The following ZNF385D variants were observed in gnomAD, a reference collection of about 807,000 sequenced individuals.
ZNF385D encodes the protein zinc finger protein 659.
In ZNF385D, 15 loss-of-function variants were observed where a neutral mutation model predicts 35.8. The observed-to-expected ratio is 0.42, with a 90% CI of 0.28 to 0.64. The LOEUF (loss-of-function observed/expected upper bound fraction) is 0.64. ZNF385D is among the 30% of genes least tolerant of loss of function. The probability of loss-of-function intolerance (pLI) is 0.23; values close to 1 mark genes in which losing one functional copy is unlikely to be tolerated. For synonymous variants in ZNF385D, 212 were observed against 186.8 expected, an observed-to-expected ratio of 1.13 and a Z score of -1.10; for missense variants, 474 against 494.6, an observed-to-expected ratio of 0.96 and a Z score of 0.39.
At chr3:22,296,787 T>C (rs1457482058) in intron 2 of ZNF385D, among the ~76,000 whole-genome samples, 1 of 152,082 alleles carries the variant, frequency 6.6e-6, no homozygotes, top group Non-Finnish European at 1.5e-5. Context: ...ATAGTGTCTG[T>C]CTTGAGCATG....
At chr3:21,968,168 G>C (rs539206495) in intron 3 of ZNF385D, among the ~76,000 whole-genome samples, 80 of 152,242 alleles carry the variant, frequency 5.3e-4, no homozygotes, top group African/African-American at 1.7e-3. Context: ...ACAGCGGAAA[G>C]CAACATCGGG....
At chr3:22,367,480 C>T (rs1322324913) in intron 2 of ZNF385D, among the ~76,000 whole-genome samples, 5 of 152,260 alleles carry the variant, frequency 3.3e-5, no homozygotes, top group South Asian at 4.1e-4. Context: ...CCTGATAACT[C>T]GGTCCAGTAC....
intron 4 of ZNF385D, among the ~76,000 whole-genome samples, chr3:21,455,304 C>CT (rs1702727795): frequency 6.6e-6 from 1 of 152,138 alleles, no homozygotes; most frequent in Non-Finnish European, 1.5e-5. Context: ...AAGAACAAAG[C>CT]TGGAGGCATC....
chr3:21,909,574 C>T (rs564947277), intron 3 of ZNF385D, among the ~76,000 whole-genome samples: 2 of 150,920 alleles, frequency 1.3e-5, no homozygotes, highest in African/African-American at 4.8e-5. Flanking sequence ...CATAAAAATT[C>T]TGCTTCATTC....
chr3:22,069,349 C>T (rs565086445), intron 3 of ZNF385D, among the ~76,000 whole-genome samples: 9 of 152,194 alleles, frequency 5.9e-5, no homozygotes, highest in African/African-American at 1.4e-4. Context: ...TAGAATAAAA[C>T]GAATATGAGA....
At chr3:21,979,100 T>C (rs952693660) in intron 3 of ZNF385D, among the ~76,000 whole-genome samples, 1 of 152,144 alleles carries the variant, frequency 6.6e-6, no homozygotes, top group Admixed American at 6.6e-5. Context: ...CATGCCAATT[T>C]TTTTTCAATG....
At chr3:22,092,836 G>C (rs151003409) in intron 3 of ZNF385D, among the ~76,000 whole-genome samples, 1 of 152,170 alleles carries the variant, frequency 6.6e-6, no homozygotes, top group East Asian at 1.9e-4. Flanking sequence ...AAAAAAGAAA[G>C]TACTAACATT....
chr3:22,273,587 G>A (rs78960480), intron 2 of ZNF385D, among the ~76,000 whole-genome samples: 7,604 of 151,684 alleles, frequency 0.05, 258 homozygotes, highest in African/African-American at 0.094. Flanking sequence ...CTGTCCTAGA[G>A]GAATGATAAA....
chr3:22,201,015 G>A (rs1198807117), intron 2 of ZNF385D, among the ~76,000 whole-genome samples: 1 of 152,002 alleles, frequency 6.6e-6, no homozygotes, highest in East Asian at 1.9e-4. Context: ...AATTATTACA[G>A]GGTCCTGAGG....
At chr3:22,282,171 A>T (rs188880600) in intron 2 of ZNF385D, among the ~76,000 whole-genome samples, 17 of 151,910 alleles carry the variant, frequency 1.1e-4, no homozygotes, top group African/African-American at 4.1e-4. Flanking sequence ...TGGTCTATCA[A>T]TTTTTTATCT....
chr3:21,762,339 A>G (rs988578398), intron 3 of ZNF385D, among the ~76,000 whole-genome samples: 3 of 152,040 alleles, frequency 2.0e-5, no homozygotes, highest in African/African-American at 7.2e-5. Context: ...CCATTTCTCT[A>G]TGCCTGGTAT....
At chr3:21,880,550 T>A (rs945727874) in intron 3 of ZNF385D, among the ~76,000 whole-genome samples, 1 of 152,010 alleles carries the variant, frequency 6.6e-6, no homozygotes, top group Admixed American at 6.6e-5. Context: ...TCGACCCATG[T>A]CTCTCTCCCT....
chr3:22,048,224 T>TG (rs1326520959), intron 3 of ZNF385D, among the ~76,000 whole-genome samples: 1 of 152,094 alleles, frequency 6.6e-6, no homozygotes, highest in Non-Finnish European at 1.5e-5. Flanking sequence ...TCCTTTCCTA[T>TG]GCAGAATTTT....
chr3:21,477,820 C>T (rs1194329831), intron 4 of ZNF385D, among the ~76,000 whole-genome samples: 1 of 152,174 alleles, frequency 6.6e-6, no homozygotes, highest in East Asian at 1.9e-4. Context: ...CTCATGGATG[C>T]TCACTCCTAG....
At position 22,336,597 on chromosome 3, in the gene ZNF385D, C is replaced by T. The variant is rs117194137; in HGVS notation, c.106+35853G>A. On this transcript the variant is annotated intron_variant, in intron 2 of 5. Transcript: ENST00000494108. Reference sequence around the variant, plus strand: ...CACATCTGACAGCTATTTTCCACAACACATCATCAAGTATTTCACTACACA... The same window carrying T: ...CACATCTGACAGCTATTTTCCACAATACATCATCAAGTATTTCACTACACA... 2.0e-5 allele frequency among the ~76,000 whole-genome samples: 3 copies of T among 152,182 alleles called. No homozygotes were observed. In the East Asian group the frequency reaches 5.8e-4, roughly 29 times the overall value.
At chr3:21,960,115 G>A (rs1702504240) in intron 3 of ZNF385D, among the ~76,000 whole-genome samples, 1 of 149,188 alleles carries the variant, frequency 6.7e-6, no homozygotes, top group South Asian at 2.1e-4. Context: ...AAAAAAATCT[G>A]TAGAAGGGAA....
At chr3:21,968,959 T>C (rs1384265571) in intron 3 of ZNF385D, among the ~76,000 whole-genome samples, 1 of 152,194 alleles carries the variant, frequency 6.6e-6, no homozygotes, top group Non-Finnish European at 1.5e-5. Flanking sequence ...ATGATATTGC[T>C]GGACTTGGCT....
chr3:21,828,474 G>A (rs1694793561), intron 3 of ZNF385D, among the ~76,000 whole-genome samples: 1 of 152,140 alleles, frequency 6.6e-6, no homozygotes, highest in Admixed American at 6.6e-5. Flanking sequence ...AAATAAGTGG[G>A]AGTTATAATT....
At chr3:21,450,439 A>C (rs1702389776) in intron 4 of ZNF385D, among the ~76,000 whole-genome samples, 1 of 152,208 alleles carries the variant, frequency 6.6e-6, no homozygotes. Flanking sequence ...ATCTGCTCCC[A>C]TAAGTCATCC....
Sources: allele counts gnomAD v4.1 joint callset (sites outside exome capture counted in the v4.1 genomes callset), GRCh38; gene constraint gnomAD v4.1.1; transcripts MANE v1.5; gene names NCBI Gene and HGNC (gene_info 2026-07-23, HGNC 2026-07-21).